Variants in ADAM7 observed in about 807,000 individuals in gnomAD.
The protein encoded by ADAM7 is ADAM metallopeptidase domain 7, also known as disintegrin and metalloproteinase domain-containing protein 7.
Under a neutral mutation model 102.9 loss-of-function variants are expected in ADAM7, and 97 were observed. The observed-to-expected ratio is 0.94, with a 90% confidence interval of 0.80 to 1.12. The LOEUF (loss-of-function observed/expected upper bound fraction) is 1.12, where lower values mean the gene tolerates loss of function less well. ADAM7 is among the 50% of genes most tolerant of loss of function. ADAM7 has a pLI of 0.00. For synonymous variants in ADAM7, 334 were observed against 304.4 expected, an observed-to-expected ratio of 1.10 and a Z score of -1.01; for missense variants, 991 against 908.7, an observed-to-expected ratio of 1.09 and a Z score of -1.16.
rs905250123 is a variant in ADAM7, at chr8:24,468,807, C to T, written c.620C>T (p.Ala207Val). The T allele has an allele frequency of 1.3e-5, 21 of 1,612,832 alleles. No individual in the cohort carries two copies. The highest frequency in any genetic ancestry group is 1.6e-5 in the Non-Finnish European group (19 of 1,179,470). ...DEKYVELFIV[A>V]DDTVYRRNGH... is the part of the protein sequence containing the mutation. ...AAGTATGTTGAATTGTTCATTGTTG[C>T]TGATGATACTGTGGTAAGTTTTCAA... Residue 207 changes from alanine to valine, a missense_variant, in exon 7 of 22, where the codon GCT (alanine) becomes GTT (valine). Ala to Val is a moderately conservative substitution (Grantham distance 64). Coordinates refer to ENST00000175238, the MANE Select transcript of ADAM7 (RefSeq NM_003817.4).
At chr8:24,457,528 G>A (rs1435664200) in intron 3 of ADAM7, among the ~76,000 whole-genome samples, 2 of 151,934 alleles carry the variant, frequency 1.3e-5, no homozygotes, top group Non-Finnish European at 2.9e-5. Context: ...CACCCGCCTT[G>A]GCCTCCCATA....
At chr8:24,494,237 A>G (rs1344121980) in intron 16 of ADAM7, among the ~76,000 whole-genome samples, 1 of 152,222 alleles carries the variant, frequency 6.6e-6, no homozygotes. Flanking sequence ...ATAGCGACTT[A>G]CATTTTGAGT....
In ADAM7 at chr8:24,451,519, G is replaced by A. The variant is rs573740064; in HGVS notation, c.233+4257G>A. Among the ~76,000 whole-genome samples, 39 of 152,060 alleles carry A rather than the reference G, an allele frequency of 2.6e-4. No homozygotes were observed. In the South Asian group the frequency reaches 4.8e-3, roughly 19 times the overall value. ...TAACCCCTTTATCATTTTTTATTGC[G>A]TCTATTTGATTCTTCTCTCGTTTCT... On this transcript the variant is annotated intron_variant, in intron 3 of 21. Coordinates refer to ENST00000175238, the MANE Select transcript of ADAM7 (RefSeq NM_003817.4).
intron 2 of ADAM7, among the ~76,000 whole-genome samples, chr8:24,443,404 G>A (rs568107297): frequency 6.6e-6 from 1 of 152,260 alleles, no homozygotes; most frequent in Admixed American, 6.5e-5. Context: ...CCTATGGCTT[G>A]AGATGATTAA....
chr8:24,452,105 G>A (rs1818816608), intron 3 of ADAM7, among the ~76,000 whole-genome samples: 1 of 151,484 alleles, frequency 6.6e-6, no homozygotes, highest in South Asian at 2.1e-4. Context: ...GTGGTGTGGT[G>A]CTGAAAAAAA....
intron 20 of ADAM7, among the ~76,000 whole-genome samples, chr8:24,506,753 GCACACACACACACACACACA>G (rs71549838): frequency 6.9e-6 from 1 of 144,192 alleles, no homozygotes; most frequent in Non-Finnish European, 1.5e-5. Flanking sequence ...CTGAGTCAAA[GCACACACACACACACACACA>G]CACACACACA....
At chr8:24,460,883 C>G (rs979487347) in intron 3 of ADAM7, among the ~76,000 whole-genome samples, 18 of 151,812 alleles carry the variant, frequency 1.2e-4, no homozygotes, top group Non-Finnish European at 7.4e-5. Context: ...TTATCTCTCC[C>G]TTTTTGTTAC....
intron 20 of ADAM7, among the ~76,000 whole-genome samples, chr8:24,503,948 C>A (rs973261428): frequency 2.6e-5 from 4 of 151,774 alleles, no homozygotes; most frequent in African/African-American, 7.3e-5. Context: ...ATGGGTGCAG[C>A]AAACCACCAT....
Position 24,501,329 on chromosome 8 carries a change from TA to T in ADAM7, c.2109-142del, listed in dbSNP as rs1365990663. ...GTATTAAGTTGATAATTAGACAATA[TA>T]AAAAAGCATTATTTCAATATATTTA... is the stretch of plus-strand genomic sequence containing the variant. On this transcript the variant is annotated intron_variant, in intron 19 of 21. Transcript: ENST00000175238. 5.4e-6 allele frequency: 3 copies of T among 560,326 alleles called. No individual in the cohort carries two copies. The African/African-American group carries it at 5.9e-5, about 11-fold the overall frequency. 34.7% of individuals were successfully genotyped at this position (560,326 alleles called of 1,614,324 possible). A position where few individuals can be genotyped will look rare whatever the true frequency, so the allele number is the denominator to read the frequency against.
intron 14 of ADAM7, 42 bp from the exon 15 acceptor site, chr8:24,492,453 T>G: frequency 7.3e-7 from 1 of 1,366,880 alleles, no homozygotes; most frequent in Non-Finnish European, 1.0e-6. Context: ...TTCATGATAG[T>G]CATGCTTTAT....
At chr8:24,481,807 A>G (rs971813489) in intron 8 of ADAM7, among the ~76,000 whole-genome samples, 1 of 152,214 alleles carries the variant, frequency 6.6e-6, no homozygotes, top group African/African-American at 2.4e-5. Context: ...TGCCACTGTT[A>G]GTAAATTTAT....
rs766024395 is a variant in ADAM7 at position 24,489,188 on chromosome 8, G to T, written c.1121G>T (p.Ser374Ile). Reference protein sequence around the residue: ...SIPALKFSKCSQNQYHQYLKD... With the variant: ...SIPALKFSKCIQNQYHQYLKD... ...CCTGCACTGAAATTCAGTAAATGCA[G>T]CCAAAACCAATACCACCAGTACTTG... The change falls in exon 12 of 22, where the codon AGC becomes ATC. Residue 374 changes from serine (S) to isoleucine (I), a missense_variant. Ser to Ile is a moderately radical substitution (Grantham distance 142). Coordinates refer to ENST00000175238, the MANE Select transcript of ADAM7 (RefSeq NM_003817.4). The T allele has an allele frequency of 6.2e-6, 10 of 1,611,840 alleles. No homozygotes were observed. The South Asian group carries it at 9.9e-5, about 16-fold the overall frequency.
chr8:24,461,234 C>T (rs1283798527), intron 3 of ADAM7, among the ~76,000 whole-genome samples: 1 of 152,098 alleles, frequency 6.6e-6, no homozygotes, highest in African/African-American at 2.4e-5. Context: ...TCTCGTGATC[C>T]ACCCGCCTCA....
chr8:24,447,512 C>T (rs1438498098), intron 3 of ADAM7, among the ~76,000 whole-genome samples: 2 of 152,078 alleles, frequency 1.3e-5, no homozygotes, highest in Non-Finnish European at 2.9e-5. Flanking sequence ...TTTTGAGCTC[C>T]ATATAGTCAC....
intron 8 of ADAM7, among the ~76,000 whole-genome samples, chr8:24,479,939 A>G (rs988398199): frequency 1.3e-5 from 2 of 152,156 alleles, no homozygotes; most frequent in African/African-American, 4.8e-5. Flanking sequence ...CCTTTTTGTC[A>G]GGATAGAGGC....
intron 21 of ADAM7, 149 bp from the exon 22 acceptor site, chr8:24,508,397 C>T: frequency 1.4e-6 from 1 of 738,594 alleles, no homozygotes. Context: ...TTAGCAATGG[C>T]TAGGGAGATC....
Position 24,482,237 on chromosome 8 carries a change from C to G in ADAM7, c.801C>G (p.Thr267=), listed in dbSNP as rs373522515. The change falls in exon 9 of 22, where the codon ACC becomes ACG. Residue 267 remains threonine, a synonymous_variant. Coordinates refer to ENST00000175238, the MANE Select transcript of ADAM7 (RefSeq NM_003817.4). The stretch of plus-strand genomic sequence containing the variant: ...AACTATATTCAAATATAGAAACTAC[C>G]TTATTGCGTTTTTCATTTTGGCAAG... ...KIELYSNIET[T]LLRFSFWQEK... The G allele has an allele frequency of 5.0e-6, 8 of 1,610,546 alleles. No homozygotes were observed. Among genetic ancestry groups the G allele is most frequent in the Non-Finnish European group, 6.8e-6 (8 of 1,178,862 alleles).
intron 3 of ADAM7, among the ~76,000 whole-genome samples, chr8:24,452,727 T>C (rs1052817348): frequency 2.6e-5 from 4 of 151,734 alleles, no homozygotes; most frequent in African/African-American, 9.7e-5. Flanking sequence ...GGTTAGTTGA[T>C]GCAGTTTCTT....
chr8:24,499,014 A>G (rs1029442190), intron 16 of ADAM7, among the ~76,000 whole-genome samples: 6 of 152,092 alleles, frequency 3.9e-5, no homozygotes, highest in African/African-American at 1.4e-4. Context: ...TGTATAGTAC[A>G]CACCCCAATC....
Sources: allele counts gnomAD v4.1 joint callset (sites outside exome capture counted in the v4.1 genomes callset), GRCh38; gene constraint gnomAD v4.1.1; transcripts MANE v1.5; gene names NCBI Gene and HGNC (gene_info 2026-07-23, HGNC 2026-07-21).